Variants in NLRP3 observed in about 807,000 individuals in gnomAD.
NLRP3 encodes the protein NLR family pyrin domain containing 3, also known as NACHT, LRR and PYD domains-containing protein 3.
In NLRP3, 48 loss-of-function variants were observed where a neutral mutation model predicts 91.3. That is an observed-to-expected ratio of 0.53 (90% CI 0.42 to 0.67). The LOEUF (loss-of-function observed/expected upper bound fraction) is 0.67, where lower values mean the gene tolerates loss of function less well. NLRP3 is among the 30% of genes least tolerant of loss of function. The pLI is 0.00. For synonymous variants in NLRP3, 561 were observed against 507.9 expected (o/e 1.10, Z -1.41); for missense variants, 982 against 1,276.9 (o/e 0.77, Z 3.52).
chr1:247,447,323 A>G (rs1377710663), intron 9 of NLRP3, among the ~76,000 whole-genome samples: 1 of 152,166 alleles, frequency 6.6e-6, no homozygotes, highest in Non-Finnish European at 1.5e-5. Context: ...AAACTCTCTG[A>G]TATCTCTCCT....
intron 5 of NLRP3, among the ~76,000 whole-genome samples, chr1:247,430,414 T>C (rs1469273392): frequency 7.1e-6 from 1 of 141,134 alleles, no homozygotes; most frequent in Non-Finnish European, 1.6e-5. Context: ...GCAGTCCTGA[T>C]GGATTAGGCA....
intron 7 of NLRP3, 137 bp from the exon 8 acceptor site, chr1:247,443,835 A>G: frequency 2.5e-6 from 2 of 795,982 alleles, no homozygotes; most frequent in Admixed American, 4.0e-5. Context: ...TCCCCAGATC[A>G]TATCTGAGAT....
chr1:247,425,369 C>G lies in NLRP3; in HGVS notation c.1920C>G (p.Phe640Leu). The G allele has an allele frequency of 6.2e-7, 1 of 1,614,172 alleles. No homozygotes were observed. Among genetic ancestry groups the G allele is most frequent in the Non-Finnish European group, 8.5e-7 (1 of 1,180,028 alleles). Residue 640 changes from phenylalanine to leucine, a missense_variant, in exon 4 of 10, where the codon TTC (phenylalanine) becomes TTG (leucine). This residue lies in a region of NLRP3 where 373 missense variants were observed against 431.5 expected (regional missense o/e 0.86). Coordinates refer to ENST00000336119, the MANE Select transcript of NLRP3 (RefSeq NM_001243133.2). This position sits in a 1 kb window ranked among gnomAD's most constrained non-coding sequence, Gnocchi z 4.1. Reference protein sequence around the residue: ...YCLYEMQEEDFVQRAMDYFPK... With the variant: ...YCLYEMQEEDLVQRAMDYFPK... ...TGTACGAGATGCAGGAGGAGGACTTCGTGCAAAGGGCCATGGACTATTTCC... is the reference window on the plus strand; with the variant it reads ...TGTACGAGATGCAGGAGGAGGACTTGGTGCAAAGGGCCATGGACTATTTCC...
At chr1:247,419,161 TA>T (rs66778510) in intron 2 of NLRP3, 84 bp downstream of exon 2, 59,865 of 564,840 alleles carry the variant, frequency 0.11, 1,560 homozygotes, top group African/African-American at 0.16. Flanking sequence ...TATATATATA[TA>T]TATTTTTTTT....
In NLRP3 at chr1:247,433,973, GATCAGATGTGTTCTGATGCTTTCTCTA is replaced by G; in HGVS notation, c.2322-129_2322-103del. ...TGCTTTCTGTATTCCGGAGCTCTCTGATCAGATGTGTTCTGATGCTTTCTCTATTCCGGAGCTTCCTGATCAGGTGTG... is the reference window on the plus strand; with the variant it reads ...TGCTTTCTGTATTCCGGAGCTCTCTGTTCCGGAGCTTCCTGATCAGGTGTG... On this transcript the variant is annotated intron_variant, in intron 5 of 9. Coordinates refer to ENST00000336119, the MANE Select transcript of NLRP3 (RefSeq NM_001243133.2). 39 of 537,964 alleles carry G rather than the reference GATCAGATGTGTTCTGATGCTTTCTCTA, an allele frequency of 7.2e-5. 3 individuals carry two copies. Among genetic ancestry groups the G allele is most frequent in the Middle Eastern group, 1.3e-3 (2 of 1,512 alleles). 33.3% of individuals were successfully genotyped at this position (537,964 alleles called of 1,614,324 possible).
intron 7 of NLRP3, among the ~76,000 whole-genome samples, chr1:247,440,822 A>G (rs1447213839): frequency 6.6e-6 from 1 of 152,016 alleles, no homozygotes; most frequent in East Asian, 1.9e-4. Context: ...AATCTTCCTT[A>G]TTCTTGCTAC....
intron 7 of NLRP3, among the ~76,000 whole-genome samples, chr1:247,439,464 C>T (rs1228714438): frequency 6.6e-6 from 1 of 152,144 alleles, no homozygotes; most frequent in Admixed American, 6.5e-5. Context: ...CTCTGCCACA[C>T]CATTGCCTTT....
intron 9 of NLRP3, among the ~76,000 whole-genome samples, chr1:247,445,622 G>T (rs1365099423): frequency 6.6e-6 from 1 of 152,160 alleles, no homozygotes; most frequent in Non-Finnish European, 1.5e-5. Flanking sequence ...TGAGGTAGTC[G>T]TCTCCTCTCT....
At chr1:247,429,172 T>C (rs1020515782) in intron 4 of NLRP3, among the ~76,000 whole-genome samples, 1 of 152,054 alleles carries the variant, frequency 6.6e-6, no homozygotes, top group East Asian at 1.9e-4. Flanking sequence ...GGATTACAGG[T>C]GTGAGCCACC....
Position 247,429,504 on chromosome 1 carries a change from C to G in NLRP3, c.2151-81C>G, listed in dbSNP as rs1474093493. 1.5e-5 allele frequency: 23 copies of G among 1,510,360 alleles called. No homozygotes were observed. In the Admixed American group the frequency reaches 3.5e-4, roughly 23 times the overall value. 93.6% of individuals were successfully genotyped at this position (1,510,360 alleles called of 1,614,324 possible). A position where few individuals can be genotyped will look rare whatever the true frequency, so the allele number is the denominator to read the frequency against. On this transcript the variant is annotated intron_variant, in intron 4 of 9. Transcript: ENST00000336119. ...CGGAAGGCATTTCTCTGAACTGGTG[C>G]CAGGCACCCCGGCCCCCAGCTCCAG...
intron 2 of NLRP3, among the ~76,000 whole-genome samples, 181 bp from the exon 3 acceptor site, chr1:247,423,049 G>C (rs1662581114): frequency 6.6e-6 from 1 of 152,196 alleles, no homozygotes; most frequent in African/African-American, 2.4e-5. Context: ...TTGAAACTAG[G>C]AGTGCAGAAA....
Position 247,435,957 on chromosome 1 carries a change from A to C in NLRP3, c.2493-13A>C, listed in dbSNP as rs747296734. 6.2e-7 allele frequency: 1 copy of C among 1,613,494 alleles called. No homozygotes were observed. The highest frequency in any genetic ancestry group is 1.3e-5 in the African/African-American group (1 of 75,032). ...TGAGAGACATGACTGACATTCTGCC[A>C]TCTCTATGGAAGGTTGGTCAGCTGC... On this transcript the variant is annotated splice_polypyrimidine_tract_variant and intron_variant, in intron 6 of 9. Transcript: ENST00000336119.
At chr1:247,436,207 T>A (rs1446553716) in intron 7 of NLRP3, 67 bp downstream of exon 7, 1 of 1,509,712 alleles carries the variant, frequency 6.6e-7, no homozygotes, top group African/African-American at 1.4e-5. Flanking sequence ...TTGGAAAATG[T>A]GGATGGGGGT....
At chr1:247,427,541 A>G (rs551999633) in intron 4 of NLRP3, among the ~76,000 whole-genome samples, 2 of 152,314 alleles carry the variant, frequency 1.3e-5, no homozygotes, top group East Asian at 1.9e-4. Context: ...ACAGATTCTG[A>G]CTGGAGCCCT....
In NLRP3 at chr1:247,425,555, G is replaced by A. The variant is rs201955577; in HGVS notation, c.2106G>A (p.Val702=). 1.9e-6 allele frequency: 3 copies of A among 1,611,822 alleles called. No individual in the cohort carries two copies. The highest frequency in any genetic ancestry group is 2.2e-5 in the East Asian group (1 of 44,882). ...EEKEGRHLDM[V]QCVLPSSSHA... ...AGGAAGGCCGACACCTTGATATGGTGCAGTGTGTCCTCCCAAGCTCCTCTC... is the reference window on the plus strand; with the variant it reads ...AGGAAGGCCGACACCTTGATATGGTACAGTGTGTCCTCCCAAGCTCCTCTC... Residue 702 remains valine (V), a synonymous_variant, in exon 4 of 10, where the codon GTG becomes GTA. Coordinates refer to ENST00000336119, the MANE Select transcript of NLRP3 (RefSeq NM_001243133.2). This position sits in a 1 kb window ranked among gnomAD's most constrained non-coding sequence, Gnocchi z 4.1.
chr1:247,437,085 C>T (rs941093476), intron 7 of NLRP3, among the ~76,000 whole-genome samples: 1 of 152,224 alleles, frequency 6.6e-6, no homozygotes, highest in Non-Finnish European at 1.5e-5. Flanking sequence ...CCTTAATTCC[C>T]AGTGCATTGC....
intron 4 of NLRP3, among the ~76,000 whole-genome samples, chr1:247,429,333 C>G (rs895512120): frequency 5.3e-5 from 8 of 152,162 alleles, no homozygotes; most frequent in Non-Finnish European, 1.5e-5. Flanking sequence ...CACTGGGGAG[C>G]AGGCTGTAGG....
At chr1:247,438,540 T>C (rs1159627138) in intron 7 of NLRP3, among the ~76,000 whole-genome samples, 1 of 152,160 alleles carries the variant, frequency 6.6e-6, no homozygotes, top group Non-Finnish European at 1.5e-5. Flanking sequence ...TGCACTGCCA[T>C]GCCTGGCTAA....
intron 5 of NLRP3, among the ~76,000 whole-genome samples, chr1:247,430,870 A>G (rs1177062548): frequency 6.6e-6 from 1 of 151,746 alleles, no homozygotes; most frequent in Non-Finnish European, 1.5e-5. Flanking sequence ...AGGCTCAAGC[A>G]ATCCTCCCAC....
Sources: gnomAD v4.1 joint callset for allele counts (sites outside exome capture counted in the v4.1 genomes callset) on GRCh38, gnomAD v4.1.1 for gene constraint, gnomAD v4.1.1 regional missense constraint, Gnocchi (gnomAD v3.1) non-coding constraint, MANE v1.5 for transcripts, NCBI Gene and HGNC (gene_info 2026-07-23, HGNC 2026-07-21) for gene names.